The following SEMA6D variants were observed in gnomAD, a reference collection of about 807,000 sequenced individuals.
The protein encoded by SEMA6D is semaphorin 6D.
A neutral mutation model predicts 106.6 loss-of-function variants in SEMA6D; 35 were observed. The observed-to-expected ratio is 0.33, with a 90% CI of 0.25 to 0.44. The LOEUF (loss-of-function observed/expected upper bound fraction) is 0.44. Among genes scored for constraint, SEMA6D ranks in the 20% least tolerant of loss-of-function variants. The probability of loss-of-function intolerance (pLI) is 1.00; values close to 1 mark genes in which losing one functional copy is unlikely to be tolerated. For missense variants in SEMA6D, 1,185 were observed against 1,345.9 expected, an observed-to-expected ratio of 0.88 and a Z score of 1.87; for synonymous variants, 499 against 487.7, an observed-to-expected ratio of 1.02 and a Z score of -0.31.
chr15:47,207,953 A>T (rs1895187253), intron 1 of SEMA6D, among the ~76,000 whole-genome samples: 1 of 148,746 alleles, frequency 6.7e-6, no homozygotes, highest in African/African-American at 2.5e-5. Flanking sequence ...GACAGGAGGG[A>T]GTGACTGTGG....
At chr15:47,263,789 A>G (rs1245314794) in intron 1 of SEMA6D, among the ~76,000 whole-genome samples, 1 of 151,802 alleles carries the variant, frequency 6.6e-6, no homozygotes, top group Admixed American at 6.6e-5. Flanking sequence ...TGCATGACAT[A>G]TTCTTTATCC....
At chr15:47,672,475 T>C (rs971675577) in intron 4 of SEMA6D, among the ~76,000 whole-genome samples, 2 of 152,210 alleles carry the variant, frequency 1.3e-5, no homozygotes, top group Admixed American at 6.5e-5. Context: ...AAACTCTAAA[T>C]AGTGCAAATA....
intron 1 of SEMA6D, among the ~76,000 whole-genome samples, chr15:47,384,814 G>GTTTTTTTTTTTTTTTTTTTTTTTTT (rs1168068495): frequency 3.0e-5 from 2 of 65,694 alleles, no homozygotes; most frequent in African/African-American, 1.1e-4. Flanking sequence ...GATTACTAAA[G>GTTTTTTTTTTTTTTTTTTTTTTTTT]TTTTTTTTTT....
chr15:47,311,547 G>C (rs575904368), intron 1 of SEMA6D, among the ~76,000 whole-genome samples: 1 of 152,128 alleles, frequency 6.6e-6, no homozygotes, highest in Admixed American at 6.6e-5. Context: ...TTGTAGATTA[G>C]CAGAGTGATA....
chr15:47,366,403 G>A (rs947489594), intron 1 of SEMA6D, among the ~76,000 whole-genome samples: 3 of 152,170 alleles, frequency 2.0e-5, no homozygotes, highest in African/African-American at 7.2e-5. Flanking sequence ...GACAAAGGTG[G>A]TAATCTGTTC....
chr15:47,251,918 T>TCTTCA (rs1227007057), intron 1 of SEMA6D, among the ~76,000 whole-genome samples: 4 of 134,284 alleles, frequency 3.0e-5, no homozygotes, highest in East Asian at 2.2e-4. Context: ...TTTTTTTTTT[T>TCTTCA]TTTTTTTTTT....
chr15:47,352,999 A>G (rs2038387057), intron 1 of SEMA6D, among the ~76,000 whole-genome samples: 1 of 152,160 alleles, frequency 6.6e-6, no homozygotes, highest in African/African-American at 2.4e-5. Context: ...ATTTAACTGT[A>G]CACAGATGTC....
At chr15:47,539,963 T>C (rs1360206637) in intron 3 of SEMA6D, among the ~76,000 whole-genome samples, 3 of 152,072 alleles carry the variant, frequency 2.0e-5, no homozygotes, top group African/African-American at 7.2e-5. Flanking sequence ...CAAAATGCAT[T>C]AGAATGCACT....
chr15:47,299,518 T>C (rs2035936369), intron 1 of SEMA6D, among the ~76,000 whole-genome samples: 1 of 152,242 alleles, frequency 6.6e-6, no homozygotes, highest in African/African-American at 2.4e-5. Context: ...ACAACAGTTG[T>C]TTCAGCAGGG....
intron 8 of SEMA6D, 34 bp downstream of exon 8, chr15:47,762,353 G>A (rs368995667): frequency 1.8e-5 from 29 of 1,608,340 alleles, no homozygotes; most frequent in Non-Finnish European, 2.3e-5. Flanking sequence ...GGGGTCACCA[G>A]GATAGTGGAT....
At chr15:47,474,414 A>G (rs2042944555) in intron 3 of SEMA6D, among the ~76,000 whole-genome samples, 2 of 152,246 alleles carry the variant, frequency 1.3e-5, no homozygotes, top group African/African-American at 4.8e-5. Context: ...TACCATAAAC[A>G]AAAACTACAC....
intron 3 of SEMA6D, among the ~76,000 whole-genome samples, chr15:47,563,694 G>C (rs181631420): frequency 1.1e-4 from 16 of 152,180 alleles, no homozygotes; most frequent in African/African-American, 3.6e-4. Flanking sequence ...AGCATTATGA[G>C]GACAGGAAAT....
chr15:47,654,062 A>G (rs1044246943), intron 4 of SEMA6D, among the ~76,000 whole-genome samples: 2 of 152,216 alleles, frequency 1.3e-5, no homozygotes, highest in Non-Finnish European at 2.9e-5. Flanking sequence ...TGAATCTTCT[A>G]CAAGGGTCCC....
At chr15:47,688,554 T>C (rs983803781) in intron 4 of SEMA6D, among the ~76,000 whole-genome samples, 2 of 152,148 alleles carry the variant, frequency 1.3e-5, no homozygotes, top group African/African-American at 4.8e-5. Flanking sequence ...TTTTATAGAG[T>C]ATGAAAAGAT....
intron 4 of SEMA6D, among the ~76,000 whole-genome samples, chr15:47,658,812 T>A (rs2077857610): frequency 6.6e-6 from 1 of 152,058 alleles, no homozygotes; most frequent in Non-Finnish European, 1.5e-5. Context: ...GAGACTGTCA[T>A]TTAACTTCCC....
At chr15:47,537,216 A>C (rs2045196092) in intron 3 of SEMA6D, among the ~76,000 whole-genome samples, 1 of 152,226 alleles carries the variant, frequency 6.6e-6, no homozygotes, top group Admixed American at 6.5e-5. Flanking sequence ...CAAATAATAG[A>C]GAGTAAAGCT....
chr15:47,456,856 A>C (rs1311614501), intron 2 of SEMA6D, among the ~76,000 whole-genome samples: 1 of 151,958 alleles, frequency 6.6e-6, no homozygotes, highest in African/African-American at 2.4e-5. Context: ...AGACTTTGTA[A>C]GACAGAGTAC....
intron 1 of SEMA6D, among the ~76,000 whole-genome samples, chr15:47,358,225 G>A (rs1304437291): frequency 6.6e-6 from 1 of 152,196 alleles, no homozygotes; most frequent in Non-Finnish European, 1.5e-5. Flanking sequence ...AATGATGTTA[G>A]TGTCCCTGGA....
chr15:47,248,517 A>G (rs992836237), intron 1 of SEMA6D, among the ~76,000 whole-genome samples: 1 of 152,250 alleles, frequency 6.6e-6, no homozygotes, highest in Non-Finnish European at 1.5e-5. Context: ...ATTACATTAA[A>G]TTACACAGAA....
Sources: allele counts gnomAD v4.1 joint callset (sites outside exome capture counted in the v4.1 genomes callset), GRCh38; gene constraint gnomAD v4.1.1; transcripts MANE v1.5; gene names NCBI Gene and HGNC (gene_info 2026-07-23, HGNC 2026-07-21).